Variants in PDSS2 observed in about 807,000 individuals in gnomAD.
The protein encoded by PDSS2 is decaprenyl diphosphate synthase subunit 2, also known as all trans-polyprenyl-diphosphate synthase PDSS2.
In PDSS2, 31 loss-of-function variants were observed where a neutral mutation model predicts 44.5. That is an observed-to-expected ratio of 0.70 (90% CI 0.52 to 0.94). The LOEUF (loss-of-function observed/expected upper bound fraction) is 0.94. PDSS2 is among the 40% of genes least tolerant of loss of function. The probability of loss-of-function intolerance (pLI) is 0.00; values close to 1 mark genes in which losing one functional copy is unlikely to be tolerated. For synonymous variants in PDSS2, 157 were observed against 180.3 expected (o/e 0.87, Z 1.03); for missense variants, 452 against 482.2 (o/e 0.94, Z 0.59).
chr6:107,370,834 A>G (rs181295763), intron 1 of PDSS2, among the ~76,000 whole-genome samples: 23 of 152,328 alleles, frequency 1.5e-4, no homozygotes, highest in African/African-American at 3.4e-4. Context: ...CCAGTTCAAA[A>G]TAAGAACTAT....
chr6:107,300,817 A>G (rs1367074567), intron 2 of PDSS2, among the ~76,000 whole-genome samples: 2 of 152,198 alleles, frequency 1.3e-5, no homozygotes, highest in African/African-American at 4.8e-5. Context: ...ACATATTCAC[A>G]CATATGTACA....
chr6:107,190,545 A>T (rs577631096), intron 7 of PDSS2, among the ~76,000 whole-genome samples: 3 of 152,358 alleles, frequency 2.0e-5, no homozygotes, highest in African/African-American at 7.2e-5. Context: ...TCATTATAAT[A>T]TAACAGAGTA....
Position 107,282,136 on chromosome 6 carries a change from C to T in PDSS2, c.432-7909G>A, listed in dbSNP as rs149706006. ...GGCCAGGCTGGTCTCGAACCGCTGA[C>T]CTCAGGTGATCCACCCGCCTTGGCC... On this transcript the variant is annotated intron_variant, in intron 2 of 7. Transcript: ENST00000369037. Among the ~76,000 whole-genome samples, 73 of 152,236 alleles carry T rather than the reference C, an allele frequency of 4.8e-4. No homozygotes were observed. The East Asian group carries it at 0.012, about 26-fold the overall frequency.
chr6:107,386,011 C>G (rs1482323101), intron 1 of PDSS2, among the ~76,000 whole-genome samples: 2 of 152,092 alleles, frequency 1.3e-5, no homozygotes, highest in Non-Finnish European at 2.9e-5. Flanking sequence ...ACTTCATTAA[C>G]TATGTTAAAT....
chr6:107,219,649 A>C (rs1773534166), intron 4 of PDSS2, among the ~76,000 whole-genome samples: 1 of 152,164 alleles, frequency 6.6e-6, no homozygotes, highest in Non-Finnish European at 1.5e-5. Flanking sequence ...CTCAAATACT[A>C]CCACAAATAT....
intron 6 of PDSS2, among the ~76,000 whole-genome samples, chr6:107,208,086 A>G (rs895063475): frequency 1.4e-5 from 2 of 142,876 alleles, no homozygotes; most frequent in African/African-American, 5.2e-5. Flanking sequence ...TCCTGGGTTC[A>G]AGGGATTCTC....
At chr6:107,367,514 T>C (rs1245269108) in intron 1 of PDSS2, among the ~76,000 whole-genome samples, 1 of 152,208 alleles carries the variant, frequency 6.6e-6, no homozygotes, top group East Asian at 1.9e-4. Context: ...CCGGGCACAG[T>C]GGCTCACGCC....
intron 1 of PDSS2, among the ~76,000 whole-genome samples, chr6:107,417,126 A>C (rs1158043704): frequency 6.6e-6 from 1 of 152,140 alleles, no homozygotes; most frequent in Admixed American, 6.6e-5. Flanking sequence ...ATAAGACAAT[A>C]ATTTCACTAT....
At chr6:107,454,162 C>T (rs904395572) in intron 1 of PDSS2, among the ~76,000 whole-genome samples, 3 of 151,700 alleles carry the variant, frequency 2.0e-5, no homozygotes, top group African/African-American at 4.8e-5. Context: ...ATCCTCTCAG[C>T]TCAGCCTCCC....
intron 1 of PDSS2, among the ~76,000 whole-genome samples, chr6:107,409,612 G>A (rs996808097): frequency 2.0e-5 from 3 of 152,056 alleles, no homozygotes; most frequent in Non-Finnish European, 4.4e-5. Context: ...CCCAGTTAAC[G>A]TATTCACCAT....
chr6:107,192,297 G>A (rs73523780), intron 7 of PDSS2: 1 of 444,896 alleles, frequency 2.2e-6, no homozygotes, highest in Non-Finnish European at 4.3e-6. Flanking sequence ...AAGGAGAGAC[G>A]GTCCCAACAC....
At chr6:107,348,374 C>T (rs1778321066) in intron 1 of PDSS2, among the ~76,000 whole-genome samples, 2 of 152,258 alleles carry the variant, frequency 1.3e-5, no homozygotes, top group South Asian at 2.1e-4. Flanking sequence ...AAAGCTGCTA[C>T]CTTAGTTACT....
chr6:107,414,888 G>A (rs979539172), intron 1 of PDSS2, among the ~76,000 whole-genome samples: 2 of 152,294 alleles, frequency 1.3e-5, no homozygotes, highest in South Asian at 2.1e-4. Context: ...ATACTAAAAG[G>A]AGAATGTCCC....
chr6:107,171,230 T>C (rs781969445), intron 7 of PDSS2, among the ~76,000 whole-genome samples: 7 of 151,988 alleles, frequency 4.6e-5, no homozygotes, highest in Non-Finnish European at 1.0e-4. Context: ...AGCAAGATCA[T>C]AGTTCACTGT....
intron 1 of PDSS2, among the ~76,000 whole-genome samples, chr6:107,340,076 A>G (rs1489723793): frequency 6.6e-6 from 1 of 152,184 alleles, no homozygotes; most frequent in Non-Finnish European, 1.5e-5. Flanking sequence ...TTGATGGACA[A>G]ACTAGAGATG....
At chr6:107,295,391 C>T (rs1414980221) in intron 2 of PDSS2, among the ~76,000 whole-genome samples, 1 of 152,062 alleles carries the variant, frequency 6.6e-6, no homozygotes. Context: ...TTTTTCCATC[C>T]AAGTTCATTG....
intron 1 of PDSS2, among the ~76,000 whole-genome samples, chr6:107,375,040 T>C (rs1162101399): frequency 6.6e-6 from 1 of 152,000 alleles, no homozygotes; most frequent in Non-Finnish European, 1.5e-5. Flanking sequence ...TCAGAAAATG[T>C]TATAAATTGA....
chr6:107,210,858 G>GT (rs905444824), intron 5 of PDSS2, among the ~76,000 whole-genome samples: 7 of 151,476 alleles, frequency 4.6e-5, no homozygotes, highest in Non-Finnish European at 1.5e-5. Flanking sequence ...ACAAAAATTG[G>GT]GGGGGGTTTG....
At chr6:107,337,894 G>A (rs1777955808) in intron 1 of PDSS2, among the ~76,000 whole-genome samples, 1 of 151,988 alleles carries the variant, frequency 6.6e-6, no homozygotes. Flanking sequence ...TACTGAAAAG[G>A]TCAGGAAAAG....
Sources: gnomAD v4.1 joint callset for allele counts (sites outside exome capture counted in the v4.1 genomes callset) on GRCh38, gnomAD v4.1.1 for gene constraint, MANE v1.5 for transcripts, NCBI Gene and HGNC (gene_info 2026-07-23, HGNC 2026-07-21) for gene names.